Variants in TBC1D8 observed in about 807,000 individuals in gnomAD.
TBC1D8 encodes the protein BUB2-like protein 1.
Under a neutral mutation model 118.8 loss-of-function variants are expected in TBC1D8, and 65 were observed. The ratio of observed to expected loss-of-function variants is 0.55; its 90% CI spans 0.45 to 0.67. The LOEUF is 0.67. TBC1D8 is among the 30% of genes least tolerant of loss of function. TBC1D8 has a pLI of 0.00. For synonymous variants in TBC1D8, 566 were observed against 595.8 expected (o/e 0.95, Z 0.73); for missense variants, 1,376 against 1,471.2 (o/e 0.94, Z 1.06).
intron 2 of TBC1D8, among the ~76,000 whole-genome samples, chr2:101,089,451 T>C (rs1412025644): frequency 1.3e-5 from 2 of 152,200 alleles, no homozygotes; most frequent in Non-Finnish European, 2.9e-5. Context: ...TTGGTTTTGT[T>C]TTTTAATAAA....
intron 11 of TBC1D8, among the ~76,000 whole-genome samples, chr2:101,031,832 C>G (rs892394922): frequency 1.6e-4 from 25 of 152,148 alleles, no homozygotes; most frequent in African/African-American, 6.0e-4. Context: ...CTAGGGCAAC[C>G]GAGGGCCTCC....
intron 7 of TBC1D8, among the ~76,000 whole-genome samples, chr2:101,038,086 AAAGAG>A (rs1681140578): frequency 6.6e-6 from 1 of 152,138 alleles, no homozygotes; most frequent in African/African-American, 2.4e-5. Context: ...AGAGGTTGAG[AAAGAG>A]AAGAGACATG....
intron 15 of TBC1D8, among the ~76,000 whole-genome samples, chr2:101,024,653 C>T (rs939421346): frequency 4.6e-5 from 7 of 152,192 alleles, no homozygotes; most frequent in Admixed American, 1.3e-4. Context: ...GTGATCCACC[C>T]GCACTGGCCT....
intron 2 of TBC1D8, among the ~76,000 whole-genome samples, chr2:101,073,789 C>T (rs1674628751): frequency 6.6e-6 from 1 of 152,246 alleles, no homozygotes; most frequent in Non-Finnish European, 1.5e-5. Context: ...AACTTTTCTT[C>T]TGCAGCTTCC....
chr2:101,118,510 C>A (rs1375320136), intron 1 of TBC1D8, among the ~76,000 whole-genome samples: 6 of 151,076 alleles, frequency 4.0e-5, no homozygotes, highest in East Asian at 3.9e-4. Flanking sequence ...TCCTGGCTAA[C>A]ACGGTGAAAC....
At chr2:101,029,803 G>A in intron 11 of TBC1D8, 27 bp from the exon 12 acceptor site, 1 of 1,605,320 alleles carries the variant, frequency 6.2e-7, no homozygotes, top group Non-Finnish European at 8.5e-7. Flanking sequence ...ACAGGGCTCT[G>A]GCTGGGGTAG....
At chr2:101,029,443 G>A (rs1680541183) in intron 12 of TBC1D8, 48 bp downstream of exon 12, 2 of 1,582,278 alleles carry the variant, frequency 1.3e-6, no homozygotes, top group Non-Finnish European at 8.6e-7. Context: ...GGCACGTGCT[G>A]CTGCCTCCTC....
intron 17 of TBC1D8, among the ~76,000 whole-genome samples, chr2:101,018,661 C>CA (rs1204506528): frequency 1.3e-5 from 2 of 152,192 alleles, no homozygotes; most frequent in East Asian, 1.9e-4. Flanking sequence ...CCCTGAATCT[C>CA]AGAGTTCGCA....
chr2:101,145,709 G>A (rs1374666497), intron 1 of TBC1D8, among the ~76,000 whole-genome samples: 1 of 152,142 alleles, frequency 6.6e-6, no homozygotes, highest in Non-Finnish European at 1.5e-5. Flanking sequence ...TTCACTGGAG[G>A]CACAGCATGA....
chr2:101,029,894 A>G, intron 11 of TBC1D8, 118 bp from the exon 12 acceptor site: 1 of 1,084,346 alleles, frequency 9.2e-7, no homozygotes, highest in Non-Finnish European at 1.3e-6. Context: ...AGTCCAGAAA[A>G]GCGTCCATGC....
intron 17 of TBC1D8, chr2:101,018,444 T>G (rs1381539368): frequency 6.4e-6 from 1 of 157,034 alleles, no homozygotes; most frequent in African/African-American, 2.4e-5. Flanking sequence ...CTCAACTTCT[T>G]GACAGAACTC....
intron 1 of TBC1D8, among the ~76,000 whole-genome samples, chr2:101,134,533 C>T (rs1185577931): frequency 1.3e-5 from 2 of 152,152 alleles, no homozygotes; most frequent in Non-Finnish European, 2.9e-5. Flanking sequence ...AAGGGGCTAG[C>T]AAATGTGATG....
At chr2:101,105,269 G>T (rs1677128491) in intron 1 of TBC1D8, among the ~76,000 whole-genome samples, 1 of 151,964 alleles carries the variant, frequency 6.6e-6, no homozygotes, top group Non-Finnish European at 1.5e-5. Flanking sequence ...AATATACAAA[G>T]AATTCTTAAA....
chr2:101,122,109 G>A (rs1294932645), intron 1 of TBC1D8, among the ~76,000 whole-genome samples: 2 of 139,914 alleles, frequency 1.4e-5, no homozygotes, highest in Non-Finnish European at 3.1e-5. Flanking sequence ...GTCTTGCTCT[G>A]CCGCGAGGCT....
chr2:101,129,954 A>G (rs1354068253), intron 1 of TBC1D8, among the ~76,000 whole-genome samples: 3 of 151,834 alleles, frequency 2.0e-5, no homozygotes, highest in Non-Finnish European at 4.4e-5. Context: ...AGCCAAATCA[A>G]GTAACAGCAT....
intron 12 of TBC1D8, among the ~76,000 whole-genome samples, chr2:101,028,715 A>T (rs1390274982): frequency 6.6e-6 from 1 of 152,170 alleles, no homozygotes; most frequent in Non-Finnish European, 1.5e-5. Flanking sequence ...TCATGCTCTG[A>T]AAGAGAACCC....
chr2:101,029,625 C>T lies in TBC1D8; in HGVS notation c.2088G>A (p.Ala696=), dbSNP rs753445162. 1.1e-5 allele frequency: 18 copies of T among 1,613,840 alleles called. No homozygotes were observed. The highest frequency in any genetic ancestry group is 1.6e-4 in the Middle Eastern group (1 of 6,084). Residue 696 remains alanine (A), a synonymous_variant, in exon 12 of 20, where the codon GCG becomes GCA. Transcript: ENST00000409318. ...AGAAGAAGCAGTCTACCACATTCAC[C>T]GCACTCTCTAGAGGCATGATGCTGA... The part of the protein sequence containing the change: ...LFLSIMPLES[A]VNVVDCFFYD...
chr2:101,053,887 T>C (rs1421202798), intron 4 of TBC1D8, among the ~76,000 whole-genome samples: 1 of 152,222 alleles, frequency 6.6e-6, no homozygotes, highest in Non-Finnish European at 1.5e-5. Context: ...CTATATAAAG[T>C]GAACTATACA....
At chr2:101,011,254 TGGG>T in intron 18 of TBC1D8, 194 bp downstream of exon 18, 1 of 695,234 alleles carries the variant, frequency 1.4e-6, no homozygotes, top group South Asian at 1.9e-5. Flanking sequence ...AACTTGGTGG[TGGG>T]GGCAAGGGGC....
Sources: allele counts gnomAD v4.1 joint callset (sites outside exome capture counted in the v4.1 genomes callset), GRCh38; gene constraint gnomAD v4.1.1; transcripts MANE v1.5; gene names NCBI Gene and HGNC (gene_info 2026-07-23, HGNC 2026-07-21).